Variants in TP53BP2 observed in about 807,000 individuals in gnomAD.
TP53BP2 encodes the protein tumor protein p53 binding protein 2, also known as apoptosis-stimulating of p53 protein 2.
A neutral mutation model predicts 126.2 loss-of-function variants in TP53BP2; 62 were observed. The ratio of observed to expected loss-of-function variants is 0.49; its 90% CI spans 0.40 to 0.61. The LOEUF (loss-of-function observed/expected upper bound fraction) is 0.61. Among genes scored for constraint, TP53BP2 ranks in the 20% least tolerant of loss-of-function variants. TP53BP2 has a pLI of 0.00. For synonymous variants in TP53BP2, 485 were observed against 502.9 expected (o/e 0.96, Z 0.48); for missense variants, 1,215 against 1,402.8 (o/e 0.87, Z 2.14).
chr1:223,799,533 A>G (rs990399237), intron 11 of TP53BP2, among the ~76,000 whole-genome samples: 2 of 152,238 alleles, frequency 1.3e-5, no homozygotes, highest in Non-Finnish European at 2.9e-5. Flanking sequence ...GCACTCACAC[A>G]TAACCTGGTT....
At chr1:223,805,611 T>C (rs1228530007) in intron 5 of TP53BP2, among the ~76,000 whole-genome samples, 2 of 152,240 alleles carry the variant, frequency 1.3e-5, no homozygotes, top group African/African-American at 4.8e-5. Context: ...GAGAACTGCC[T>C]TGAAGAATTC....
intron 1 of TP53BP2, among the ~76,000 whole-genome samples, chr1:223,842,842 C>CA (rs1166340470): frequency 1.3e-5 from 2 of 152,194 alleles, no homozygotes; most frequent in Non-Finnish European, 2.9e-5. Context: ...GCCAAACTCT[C>CA]AAAGTGCAAA....
intron 15 of TP53BP2, among the ~76,000 whole-genome samples, chr1:223,789,484 C>T (rs1444583207): frequency 1.3e-5 from 2 of 152,174 alleles, no homozygotes; most frequent in Non-Finnish European, 2.9e-5. Context: ...ACAATATTAA[C>T]ATGGATTTAG....
At chr1:223,786,560 ATGTGTG>A (rs752458486) in intron 16 of TP53BP2, among the ~76,000 whole-genome samples, 1 of 145,430 alleles carries the variant, frequency 6.9e-6, no homozygotes, top group East Asian at 2.0e-4. Flanking sequence ...CATTATATAT[ATGTGTG>A]TGTGTGCGTG....
At chr1:223,784,008 T>A in intron 17 of TP53BP2, 107 bp downstream of exon 17, 1 of 937,196 alleles carries the variant, frequency 1.1e-6, no homozygotes, top group Non-Finnish European at 1.7e-6. Context: ...ATTCCATGTC[T>A]TATTAACAAA....
chr1:223,835,592 A>G (rs1194101725), intron 1 of TP53BP2, among the ~76,000 whole-genome samples: 1 of 152,184 alleles, frequency 6.6e-6, no homozygotes, highest in African/African-American at 2.4e-5. Flanking sequence ...ATCTAACTAC[A>G]ACCGATCCAT....
chr1:223,817,719 A>G (rs1428627768), intron 2 of TP53BP2, among the ~76,000 whole-genome samples: 1 of 152,124 alleles, frequency 6.6e-6, no homozygotes, highest in Admixed American at 6.5e-5. Context: ...TGAGGTCAGG[A>G]GTTCAAAACC....
intron 12 of TP53BP2, among the ~76,000 whole-genome samples, chr1:223,797,210 T>A (rs1458323578): frequency 2.0e-5 from 3 of 152,322 alleles, no homozygotes; most frequent in Non-Finnish European, 4.4e-5. Flanking sequence ...TACATGGTTA[T>A]TTCATGACTA....
At chr1:223,833,671 T>C (rs909647275) in intron 1 of TP53BP2, among the ~76,000 whole-genome samples, 1 of 152,230 alleles carries the variant, frequency 6.6e-6, no homozygotes, top group African/African-American at 2.4e-5. Flanking sequence ...AGTCATATCC[T>C]ATCAAAGCCA....
chr1:223,839,012 CTT>C (rs75469632), intron 1 of TP53BP2, among the ~76,000 whole-genome samples: 2 of 140,718 alleles, frequency 1.4e-5, no homozygotes, highest in Non-Finnish European at 1.6e-5. Context: ...CCATTTTTTT[CTT>C]TTTTTTTTTT....
At chr1:223,797,421 G>T (rs1662362171) in intron 12 of TP53BP2, among the ~76,000 whole-genome samples, 1 of 151,696 alleles carries the variant, frequency 6.6e-6, no homozygotes, top group African/African-American at 2.4e-5. Context: ...ATGTACGTAT[G>T]TATGTTTTTT....
At chr1:223,787,340 A>G (rs1662005190) in intron 16 of TP53BP2, among the ~76,000 whole-genome samples, 2 of 152,052 alleles carry the variant, frequency 1.3e-5, no homozygotes, top group African/African-American at 2.4e-5. Context: ...TAAGTAACAG[A>G]GCAAGATTGT....
chr1:223,843,783 G>A (rs1571883063), intron 1 of TP53BP2, among the ~76,000 whole-genome samples: 1 of 152,082 alleles, frequency 6.6e-6, no homozygotes, highest in African/African-American at 2.4e-5. Context: ...CCAAAGATGA[G>A]AAATATACTT....
At chr1:223,792,274 A>G in intron 15 of TP53BP2, 115 bp downstream of exon 15, 1 of 1,181,664 alleles carries the variant, frequency 8.5e-7, no homozygotes, top group Non-Finnish European at 1.2e-6. Flanking sequence ...CTAGATTACA[A>G]GCAGCTCAAG....
intron 2 of TP53BP2, among the ~76,000 whole-genome samples, chr1:223,814,856 T>C (rs866396311): frequency 6.6e-6 from 1 of 152,106 alleles, no homozygotes; most frequent in African/African-American, 2.4e-5. Context: ...ATCAGACCCA[T>C]CCATTTCCAA....
Position 223,798,425 on chromosome 1 carries a change from G to A in TP53BP2, c.1738C>T (p.Gln580Ter). The change falls in exon 12 of 18, where the codon CAA becomes TAA. Residue 580 changes from glutamine (Q) to a stop codon, truncating the protein, a stop_gained. Transcript: ENST00000343537. LOFTEE classifies it high-confidence loss of function. ...ACGGCAGCAGCAGGTGGACTTTCTT[G>A]CTTAGAACCTGGAGAAAGGGTCTGG... The part of the protein sequence containing the change: ...QDQTLSPGSK[Q>*]ESPPAAAVRP... 1 of 1,614,190 alleles carries A rather than the reference G, an allele frequency of 6.2e-7. No individual in the cohort carries two copies. Among genetic ancestry groups the A allele is most frequent in the Non-Finnish European group, 8.5e-7 (1 of 1,180,034 alleles).
intron 2 of TP53BP2, among the ~76,000 whole-genome samples, chr1:223,815,772 A>C (rs1663064113): frequency 6.6e-6 from 1 of 150,822 alleles, no homozygotes; most frequent in Non-Finnish European, 1.5e-5. Context: ...TTTTAAGGCC[A>C]TATTTTTACT....
At chr1:223,809,824 A>G (rs1308636932) in intron 4 of TP53BP2, among the ~76,000 whole-genome samples, 4 of 151,952 alleles carry the variant, frequency 2.6e-5, no homozygotes, top group East Asian at 3.9e-4. Flanking sequence ...GTATAAATAT[A>G]TAATTTTCCT....
intron 1 of TP53BP2, among the ~76,000 whole-genome samples, chr1:223,835,915 G>GA (rs964992460): frequency 4.6e-5 from 7 of 150,826 alleles, no homozygotes; most frequent in East Asian, 3.9e-4. Context: ...AGTGAGAACA[G>GA]AAAAAAAAAT....
Sources: gnomAD v4.1 joint callset for allele counts (sites outside exome capture counted in the v4.1 genomes callset) on GRCh38, gnomAD v4.1.1 for gene constraint, MANE v1.5 for transcripts, NCBI Gene and HGNC (gene_info 2026-07-23, HGNC 2026-07-21) for gene names.